RFC1: variants seen among roughly 807,000 people sequenced by gnomAD.
RFC1 encodes replication factor C subunit 1, also known as A1 140 kDa subunit.
A neutral mutation model predicts 137.4 loss-of-function variants in RFC1; 37 were observed. The ratio of observed to expected loss-of-function variants is 0.27; its 90% confidence interval spans 0.21 to 0.35. The LOEUF is 0.35. Ranked by LOEUF, RFC1 falls within the 10% of genes least tolerant of loss-of-function variation. RFC1 has a pLI of 1.00. For missense variants in RFC1, 1,205 were observed against 1,358.5 expected, an observed-to-expected ratio of 0.89 and a Z score of 1.78; for synonymous variants, 429 against 455.7, an observed-to-expected ratio of 0.94 and a Z score of 0.75.
At chr4:39,306,059 A>C in intron 14 of RFC1, among the ~76,000 whole-genome samples, 1 of 152,260 alleles carries the variant, frequency 6.6e-6, no homozygotes, top group East Asian at 1.9e-4. Flanking sequence ...CTAGTGCCTA[A>C]GCAAGTCAAG....
At chr4:39,357,577 T>G (rs1216005064) in intron 1 of RFC1, among the ~76,000 whole-genome samples, 1 of 152,156 alleles carries the variant, frequency 6.6e-6, no homozygotes, top group Non-Finnish European at 1.5e-5. Context: ...CCAGGGCTAA[T>G]GTACTCCGAT....
chr4:39,322,980 G>A (rs1463091950), intron 7 of RFC1, among the ~76,000 whole-genome samples: 2 of 151,970 alleles, frequency 1.3e-5, no homozygotes, highest in African/African-American at 2.4e-5. Flanking sequence ...AGCTACTCGG[G>A]AGGCTGAGGC....
chr4:39,307,913 A>G (rs1342762676), intron 13 of RFC1, among the ~76,000 whole-genome samples: 2 of 152,192 alleles, frequency 1.3e-5, no homozygotes, highest in Non-Finnish European at 2.9e-5. Context: ...CAATCTAGTC[A>G]TCACTGGTCT....
chr4:39,330,686 C>A (rs185243916), intron 4 of RFC1, among the ~76,000 whole-genome samples: 1 of 152,314 alleles, frequency 6.6e-6, no homozygotes, highest in African/African-American at 2.4e-5. Context: ...TAAATTTCCC[C>A]ATTTTGCTTA....
chr4:39,307,819 A>G (rs949005714), intron 13 of RFC1, among the ~76,000 whole-genome samples: 1 of 152,198 alleles, frequency 6.6e-6, no homozygotes, highest in Non-Finnish European at 1.5e-5. Context: ...GAATGAAAAA[A>G]GTGATTTAAC....
intron 1 of RFC1, among the ~76,000 whole-genome samples, 176 bp downstream of exon 1, chr4:39,366,063 T>A (rs1408435411): frequency 6.6e-6 from 1 of 152,198 alleles, no homozygotes; most frequent in Non-Finnish European, 1.5e-5. Context: ...GAGCCCGCGA[T>A]GCAATGAAAG....
At chr4:39,365,419 C>A in intron 1 of RFC1, 1 of 961,434 alleles carries the variant, frequency 1.0e-6, no homozygotes, top group Non-Finnish European at 1.2e-6. Context: ...TTAAATGGTC[C>A]TTTAAAAATA....
intron 10 of RFC1, among the ~76,000 whole-genome samples, chr4:39,316,397 C>T (rs1249875402): frequency 6.6e-6 from 1 of 152,142 alleles, no homozygotes; most frequent in Non-Finnish European, 1.5e-5. Flanking sequence ...GAACCTTCCC[C>T]CTGCAGGAAC....
At chr4:39,294,567 G>A (rs1737871553) in intron 22 of RFC1, among the ~76,000 whole-genome samples, 1 of 152,030 alleles carries the variant, frequency 6.6e-6, no homozygotes, top group African/African-American at 2.4e-5. Flanking sequence ...CTACTCAAGA[G>A]GCTGAGGCAG....
At chr4:39,309,392 T>C (rs1005342091) in intron 12 of RFC1, among the ~76,000 whole-genome samples, 1 of 152,204 alleles carries the variant, frequency 6.6e-6, no homozygotes, top group African/African-American at 2.4e-5. Context: ...CAAATGTTCA[T>C]AACCACATTA....
chr4:39,348,279 T>C (rs920147750), intron 2 of RFC1, among the ~76,000 whole-genome samples: 5 of 150,358 alleles, frequency 3.3e-5, no homozygotes, highest in African/African-American at 1.2e-4. Context: ...AAAAATTAGC[T>C]GGACATGGTG....
chr4:39,365,755 TGAGAC>T (rs1165166600), intron 1 of RFC1, among the ~76,000 whole-genome samples: 2 of 152,086 alleles, frequency 1.3e-5, no homozygotes, highest in Non-Finnish European at 2.9e-5. Flanking sequence ...CGAGCGGAGA[TGAGAC>T]GAGCTGAGCT....
At chr4:39,318,960 TC>T (rs1739383296) in intron 9 of RFC1, among the ~76,000 whole-genome samples, 1 of 152,228 alleles carries the variant, frequency 6.6e-6, no homozygotes, top group Non-Finnish European at 1.5e-5. Context: ...AATTGGAGAT[TC>T]AGAGACCGTT....
intron 1 of RFC1, among the ~76,000 whole-genome samples, chr4:39,358,188 T>C (rs1741576816): frequency 6.6e-6 from 1 of 151,912 alleles, no homozygotes; most frequent in Non-Finnish European, 1.5e-5. Context: ...GACAGGAGAA[T>C]CACTTCAACC....
At chr4:39,346,524 T>A (rs1740869325) in intron 2 of RFC1, among the ~76,000 whole-genome samples, 1 of 152,022 alleles carries the variant, frequency 6.6e-6, no homozygotes, top group Non-Finnish European at 1.5e-5. Flanking sequence ...AAGGTATTAT[T>A]ATATATTTTG....
intron 4 of RFC1, among the ~76,000 whole-genome samples, chr4:39,338,390 T>G (rs1740458464): frequency 6.6e-6 from 1 of 152,220 alleles, no homozygotes; most frequent in Non-Finnish European, 1.5e-5. Flanking sequence ...TTCCTAAATC[T>G]GTTTTTCATT....
chr4:39,294,672 T>TA (rs1193684558), intron 22 of RFC1, among the ~76,000 whole-genome samples: 1,782 of 80,154 alleles, frequency 0.022, 15 homozygotes, highest in African/African-American at 0.047. Flanking sequence ...TCTGTCTCAA[T>TA]AAAAAAAAAA....
At chr4:39,352,498 A>C (rs544135114) in intron 1 of RFC1, among the ~76,000 whole-genome samples, 2 of 152,364 alleles carry the variant, frequency 1.3e-5, no homozygotes, top group South Asian at 4.1e-4. Flanking sequence ...TATAGAGGAA[A>C]GGGAACAGAC....
In RFC1 at chr4:39,302,344, T is replaced by A. The variant is rs746104505; in HGVS notation, c.2469A>T (p.Arg823=). The part of the protein sequence containing the change: ...VLHNLSMWCA[R]SKALTYDQAK... Reference sequence around the variant, plus strand: ...CCTGGTCATAGGTTAATGCTTTACTTCGTGCACACCACATACTCAGATTAT... The same window carrying A: ...CCTGGTCATAGGTTAATGCTTTACTACGTGCACACCACATACTCAGATTAT... Residue 823 remains arginine (R), a synonymous_variant, in exon 19 of 25, where the codon CGA becomes CGT. Coordinates refer to ENST00000349703, the MANE Select transcript of RFC1 (RefSeq NM_002913.5). 3 of 1,613,324 alleles carry A rather than the reference T, an allele frequency of 1.9e-6. No individual in the cohort carries two copies. In the South Asian group the frequency reaches 3.3e-5, roughly 18 times the overall value.
Sources: allele counts gnomAD v4.1 joint callset (sites outside exome capture counted in the v4.1 genomes callset), GRCh38; gene constraint gnomAD v4.1.1; transcripts MANE v1.5; gene names NCBI Gene and HGNC (gene_info 2026-07-23, HGNC 2026-07-21).